CSMD1: variants seen among roughly 807,000 people sequenced by gnomAD.
The protein encoded by CSMD1 is CUB and Sushi multiple domains 1, also known as CUB and sushi domain-containing protein 1.
CSMD1 carries 213 observed loss-of-function variants against 417.5 expected under a neutral mutation model. That is an observed-to-expected ratio of 0.51 (90% CI 0.46 to 0.57). The LOEUF (loss-of-function observed/expected upper bound fraction) is 0.57. Ranked by LOEUF, CSMD1 falls within the 20% of genes least tolerant of loss-of-function variation. CSMD1 has a pLI of 0.00. For missense variants in CSMD1, 6,923 were observed against 4,529.7 expected (o/e 1.53, Z -15.17); for synonymous variants, 2,862 against 1,736.8 (o/e 1.65, Z -16.11).
intron 3 of CSMD1, among the ~76,000 whole-genome samples, chr8:4,375,902 G>A (rs1802702574): frequency 6.6e-6 from 1 of 152,232 alleles, no homozygotes; most frequent in South Asian, 2.1e-4. Context: ...ATGCCTTCAG[G>A]ATACGGCCAC....
chr8:4,318,889 C>T (rs891596850), intron 3 of CSMD1, among the ~76,000 whole-genome samples: 2 of 152,114 alleles, frequency 1.3e-5, no homozygotes, highest in African/African-American at 2.4e-5. Flanking sequence ...CCTAAATGAA[C>T]GTACTTTCTG....
chr8:3,152,294 C>T (rs73491740), intron 39 of CSMD1, among the ~76,000 whole-genome samples: 8,584 of 152,258 alleles, frequency 0.056, 795 homozygotes, highest in African/African-American at 0.19. Flanking sequence ...CCCAGTGATA[C>T]AAGACGAAGC....
intron 7 of CSMD1, among the ~76,000 whole-genome samples, chr8:3,700,108 AAG>A (rs1216708141): frequency 6.6e-6 from 1 of 152,030 alleles, no homozygotes; most frequent in Non-Finnish European, 1.5e-5. Context: ...ACGTTGGGGG[AAG>A]AGTGGGAGTG....
At chr8:3,673,805 G>A (rs942133888) in intron 7 of CSMD1, among the ~76,000 whole-genome samples, 2 of 152,146 alleles carry the variant, frequency 1.3e-5, no homozygotes, top group African/African-American at 2.4e-5. Flanking sequence ...GCACTGGAGT[G>A]CAACACGCCA....
intron 5 of CSMD1, among the ~76,000 whole-genome samples, chr8:3,968,352 C>A (rs1812834942): frequency 6.6e-6 from 1 of 152,180 alleles, no homozygotes; most frequent in East Asian, 1.9e-4. Flanking sequence ...CCTGATCCTA[C>A]AAGAATCCAA....
At chr8:3,246,238 C>A (rs775440231) in intron 26 of CSMD1, among the ~76,000 whole-genome samples, 1 of 152,140 alleles carries the variant, frequency 6.6e-6, no homozygotes, top group Non-Finnish European at 1.5e-5. Flanking sequence ...CTGTGCCTCA[C>A]CCACACCAGC....
At chr8:4,557,586 G>A (rs1002823086) in intron 2 of CSMD1, among the ~76,000 whole-genome samples, 1 of 123,560 alleles carries the variant, frequency 8.1e-6, no homozygotes, top group African/African-American at 3.4e-5. Flanking sequence ...TACTTAAAAT[G>A]TGTGTGTGTT....
At chr8:4,766,509 G>A (rs534120855) in intron 1 of CSMD1, among the ~76,000 whole-genome samples, 3 of 152,304 alleles carry the variant, frequency 2.0e-5, no homozygotes, top group East Asian at 1.9e-4. Flanking sequence ...ACTATGCAAC[G>A]ACCTAAAATT....
intron 3 of CSMD1, among the ~76,000 whole-genome samples, chr8:4,149,941 G>A (rs1366890155): frequency 2.0e-5 from 3 of 152,188 alleles, no homozygotes; most frequent in African/African-American, 2.4e-5. Context: ...GTGAACAACA[G>A]GAAATTCTGT....
At chr8:4,946,784 C>G (rs1028366250) in intron 1 of CSMD1, among the ~76,000 whole-genome samples, 2 of 152,150 alleles carry the variant, frequency 1.3e-5, no homozygotes, top group African/African-American at 4.8e-5. Context: ...GGCTTCACTA[C>G]AGGGAAATAA....
intron 1 of CSMD1, among the ~76,000 whole-genome samples, chr8:4,927,669 T>C (rs1052750521): frequency 6.6e-6 from 1 of 152,260 alleles, no homozygotes; most frequent in South Asian, 2.1e-4. Context: ...AGGTAAGTGG[T>C]GATGACACTG....
intron 2 of CSMD1, among the ~76,000 whole-genome samples, chr8:4,587,769 A>T (rs1191868630): frequency 6.6e-6 from 1 of 152,206 alleles, no homozygotes; most frequent in African/African-American, 2.4e-5. Flanking sequence ...AGATGCTAAC[A>T]CAAGCACTTT....
chr8:3,710,707 G>C (rs1054306718), intron 6 of CSMD1, among the ~76,000 whole-genome samples: 3 of 152,176 alleles, frequency 2.0e-5, no homozygotes, highest in Non-Finnish European at 2.9e-5. Flanking sequence ...ACACTGTGCA[G>C]TATTTTTCAC....
chr8:4,398,811 T>C (rs1016935782), intron 3 of CSMD1, among the ~76,000 whole-genome samples: 1 of 152,216 alleles, frequency 6.6e-6, no homozygotes, highest in Non-Finnish European at 1.5e-5. Flanking sequence ...GACCCTATCT[T>C]GTGTGGTATT....
At chr8:4,376,135 T>G (rs1327410589) in intron 3 of CSMD1, among the ~76,000 whole-genome samples, 4 of 152,244 alleles carry the variant, frequency 2.6e-5, no homozygotes, top group African/African-American at 9.6e-5. Flanking sequence ...GGAAATGCAC[T>G]GCAAACTTTA....
At chr8:3,200,849 G>T (rs1454864212) in intron 32 of CSMD1, among the ~76,000 whole-genome samples, 3 of 152,046 alleles carry the variant, frequency 2.0e-5, no homozygotes, top group Admixed American at 6.5e-5. Flanking sequence ...AACATTAATT[G>T]GTCAAAGCTT....
chr8:3,413,115 G>A (rs954513754), intron 12 of CSMD1, among the ~76,000 whole-genome samples: 1 of 152,142 alleles, frequency 6.6e-6, no homozygotes, highest in African/African-American at 2.4e-5. Flanking sequence ...GAGAATTAAA[G>A]AATAAGATTC....
chr8:3,498,936 T>G (rs970999559), intron 10 of CSMD1, among the ~76,000 whole-genome samples: 10 of 152,206 alleles, frequency 6.6e-5, no homozygotes, highest in African/African-American at 2.2e-4. Context: ...TTCTACTGAT[T>G]CTCACGGCGT....
intron 10 of CSMD1, among the ~76,000 whole-genome samples, chr8:3,568,072 A>T (rs574960956): frequency 6.6e-6 from 1 of 152,190 alleles, no homozygotes; most frequent in South Asian, 2.1e-4. Context: ...GATTTACTTA[A>T]TATGTTTAAA....
Sources: gnomAD v4.1 joint callset for allele counts (sites outside exome capture counted in the v4.1 genomes callset) on GRCh38, gnomAD v4.1.1 for gene constraint, MANE v1.5 for transcripts, NCBI Gene and HGNC (gene_info 2026-07-23, HGNC 2026-07-21) for gene names.